Variants in POU6F2 observed in about 807,000 individuals in gnomAD.
POU6F2 encodes POU domain, class 6, transcription factor 2.
In POU6F2, 31 loss-of-function variants were observed where a neutral mutation model predicts 71.3. The ratio of observed to expected loss-of-function variants is 0.43; its 90% CI spans 0.33 to 0.59. The LOEUF (loss-of-function observed/expected upper bound fraction) is 0.59, where lower values mean the gene tolerates loss of function less well. POU6F2 is among the 20% of genes least tolerant of loss of function. POU6F2 has a pLI of 0.04. For synonymous variants in POU6F2, 347 were observed against 355.7 expected, an observed-to-expected ratio of 0.98 and a Z score of 0.27; for missense variants, 783 against 856.8, an observed-to-expected ratio of 0.91 and a Z score of 1.07.
chr7:39,434,426 T>C (rs1457026274), intron 7 of POU6F2, among the ~76,000 whole-genome samples: 1 of 152,084 alleles, frequency 6.6e-6, no homozygotes, highest in Non-Finnish European at 1.5e-5. Context: ...CGCCAGTAGC[T>C]ATCTCACAGG....
intron 1 of POU6F2, among the ~76,000 whole-genome samples, chr7:39,003,756 A>T (rs1387209254): frequency 6.6e-6 from 1 of 152,086 alleles, no homozygotes; most frequent in Non-Finnish European, 1.5e-5. Flanking sequence ...TTCAAAAAAA[A>T]AAAAAGAAGG....
chr7:39,162,453 G>C (rs1424094748), intron 2 of POU6F2, among the ~76,000 whole-genome samples: 1 of 152,180 alleles, frequency 6.6e-6, no homozygotes, highest in African/African-American at 2.4e-5. Context: ...ACGGTCTATA[G>C]TTTCAACGGA....
intron 1 of POU6F2, among the ~76,000 whole-genome samples, chr7:39,076,752 G>T (rs1033560300): frequency 6.6e-6 from 1 of 151,932 alleles, no homozygotes; most frequent in Non-Finnish European, 1.5e-5. Flanking sequence ...GGTCCTGGAG[G>T]CACCTCTCTA....
At chr7:39,342,743 G>A (rs1231924049) in intron 5 of POU6F2, among the ~76,000 whole-genome samples, 1 of 152,144 alleles carries the variant, frequency 6.6e-6, no homozygotes, top group Non-Finnish European at 1.5e-5. Flanking sequence ...AAAATTAATA[G>A]TGTTGGTAGG....
intron 5 of POU6F2, among the ~76,000 whole-genome samples, chr7:39,352,620 T>G (rs1294124858): frequency 1.3e-5 from 2 of 152,166 alleles, no homozygotes; most frequent in Non-Finnish European, 2.9e-5. Flanking sequence ...AAAATGACAT[T>G]CATAGTAAGC....
rs61339985 is a variant in POU6F2, at chr7:39,087,143, T to TATTA, written c.277+1128_277+1131dup. ...GCAATTCGGCTTGAAACACAGGCTTTATTAATTAATTAATTAATTTATTTA... is the reference window on the plus strand; with the variant it reads ...GCAATTCGGCTTGAAACACAGGCTTTATTAATTAATTAATTAATTAATTTATTTA... On this transcript the variant is annotated intron_variant, in intron 2 of 9. Transcript: ENST00000518318. Among the ~76,000 whole-genome samples, 472 of 89,348 alleles carry TATTA rather than the reference T, an allele frequency of 5.3e-3. 5 individuals carry two copies. Among genetic ancestry groups the TATTA allele is most frequent in the East Asian group, 0.027 (99 of 3,670 alleles). The allele number at this position is 89,348 out of a possible 152,430, so 58.6% of individuals were successfully genotyped here.
intron 5 of POU6F2, among the ~76,000 whole-genome samples, chr7:39,370,924 T>A (rs1367785224): frequency 6.6e-6 from 1 of 152,202 alleles, no homozygotes; most frequent in Non-Finnish European, 1.5e-5. Context: ...TTAAAATAAA[T>A]ACATCTCCTT....
intron 4 of POU6F2, among the ~76,000 whole-genome samples, chr7:39,239,692 C>A (rs184829818): frequency 6.6e-6 from 1 of 152,140 alleles, no homozygotes; most frequent in African/African-American, 2.4e-5. Flanking sequence ...ATGCCTGTCT[C>A]ATGCAAAGCA....
chr7:39,115,571 G>T (rs968977265), intron 2 of POU6F2, among the ~76,000 whole-genome samples: 6 of 152,044 alleles, frequency 3.9e-5, no homozygotes, highest in Non-Finnish European at 7.4e-5. Context: ...AGACTTCTAG[G>T]ATTACATGGA....
At chr7:39,246,275 G>C (rs1783819374) in intron 4 of POU6F2, among the ~76,000 whole-genome samples, 1 of 152,182 alleles carries the variant, frequency 6.6e-6, no homozygotes, top group Non-Finnish European at 1.5e-5. Flanking sequence ...AGGAAGGCCT[G>C]GTTTCTGAGG....
chr7:39,135,031 C>T (rs200811145), intron 2 of POU6F2, among the ~76,000 whole-genome samples: 15 of 151,712 alleles, frequency 9.9e-5, no homozygotes, highest in African/African-American at 2.7e-4. Context: ...AAAATGAAGA[C>T]GAGTAAAATT....
At chr7:39,011,898 T>G (rs1344160348) in intron 1 of POU6F2, among the ~76,000 whole-genome samples, 1 of 152,038 alleles carries the variant, frequency 6.6e-6, no homozygotes, top group African/African-American at 2.4e-5. Flanking sequence ...GATCCGCTGT[T>G]CGTCTGATGG....
intron 4 of POU6F2, among the ~76,000 whole-genome samples, chr7:39,314,787 G>A (rs572405480): frequency 5.3e-5 from 8 of 152,056 alleles, no homozygotes; most frequent in African/African-American, 1.9e-4. Flanking sequence ...GATCTAAAGC[G>A]CTGAATAAAA....
intron 1 of POU6F2, among the ~76,000 whole-genome samples, chr7:39,048,811 G>A (rs191446587): frequency 1.5e-4 from 23 of 151,978 alleles, no homozygotes; most frequent in Admixed American, 9.2e-4. Context: ...TGTATGAGCC[G>A]TCCCTTTTTT....
At position 39,085,999 on chromosome 7, in the gene POU6F2, A is replaced by G. The variant is rs1481469831; in HGVS notation, c.245A>G (p.Asn82Ser). 1.2e-6 allele frequency: 2 copies of G among 1,613,770 alleles called. No individual in the cohort carries two copies. Among genetic ancestry groups the G allele is most frequent in the East Asian group, 4.5e-5 (2 of 44,846 alleles). The change falls in exon 2 of 10, where the codon AAT becomes AGT. Residue 82 changes from asparagine (N) to serine (S), a missense_variant. Coordinates refer to ENST00000518318, the MANE Select transcript of POU6F2 (RefSeq NM_001370959.1). ...NEPLLAPVES[N>S]DSEDTPSKLF... ...CCCCTGCTTGCGCCTGTGGAATCAA[A>G]TGACAGCGAGGACACTCCCAGCAAG...
intron 1 of POU6F2, among the ~76,000 whole-genome samples, chr7:39,051,192 C>T (rs1790393781): frequency 6.6e-6 from 1 of 152,008 alleles, no homozygotes. Flanking sequence ...GCAAATGAAC[C>T]TCAGATCATT....
chr7:39,343,435 G>A (rs1323480428), intron 5 of POU6F2, among the ~76,000 whole-genome samples: 3 of 151,178 alleles, frequency 2.0e-5, no homozygotes, highest in East Asian at 1.9e-4. Flanking sequence ...AATTCAATAC[G>A]TAATTTTAAT....
At chr7:39,258,869 A>G (rs1351099221) in intron 4 of POU6F2, among the ~76,000 whole-genome samples, 1 of 152,324 alleles carries the variant, frequency 6.6e-6, no homozygotes, top group East Asian at 1.9e-4. Context: ...GAAGCTGAAA[A>G]GAAAGGAAGC....
At chr7:39,381,050 C>CTTTTTTG (rs1444102119) in intron 5 of POU6F2, among the ~76,000 whole-genome samples, 1 of 151,508 alleles carries the variant, frequency 6.6e-6, no homozygotes, top group Non-Finnish European at 1.5e-5. Context: ...CCTTCTCAGC[C>CTTTTTTG]TTTTTTGTTT....
Sources: allele counts gnomAD v4.1 joint callset (sites outside exome capture counted in the v4.1 genomes callset), GRCh38; gene constraint gnomAD v4.1.1; transcripts MANE v1.5; gene names NCBI Gene and HGNC (gene_info 2026-07-23, HGNC 2026-07-21).